Variants in RBFOX1 observed in about 807,000 individuals in gnomAD.
The protein encoded by RBFOX1 is RNA binding fox-1 homolog 1, also known as RNA binding protein fox-1 homolog 1.
RBFOX1 carries 8 observed loss-of-function variants against 57.7 expected under a neutral mutation model. That is an observed-to-expected ratio of 0.14 (90% CI 0.08 to 0.25). The LOEUF is 0.25. Ranked by LOEUF, RBFOX1 falls within the 10% of genes least tolerant of loss-of-function variation. The pLI, the probability that RBFOX1 is intolerant of heterozygous loss-of-function variation, is 1.00. For missense variants in RBFOX1, 611 were observed against 548.5 expected, an observed-to-expected ratio of 1.11 and a Z score of -1.14; for synonymous variants, 326 against 222.4, an observed-to-expected ratio of 1.47 and a Z score of -4.15.
intron 4 of RBFOX1, among the ~76,000 whole-genome samples, chr16:7,060,352 G>C (rs1336180123): frequency 6.6e-6 from 1 of 152,112 alleles, no homozygotes; most frequent in Non-Finnish European, 1.5e-5. Flanking sequence ...GTTAATGAGG[G>C]ATTTTTATCA....
At chr16:6,388,085 T>C (rs955336292) in intron 2 of RBFOX1, among the ~76,000 whole-genome samples, 5 of 148,704 alleles carry the variant, frequency 3.4e-5, no homozygotes, top group Non-Finnish European at 5.9e-5. Flanking sequence ...GTTCAAGCGA[T>C]TCTTCTGCCT....
At chr16:6,963,628 C>G (rs898267213) in intron 3 of RBFOX1, among the ~76,000 whole-genome samples, 2 of 152,100 alleles carry the variant, frequency 1.3e-5, no homozygotes, top group African/African-American at 2.4e-5. Context: ...GTAAAAAGAT[C>G]CAGGGGTGCC....
chr16:6,197,962 C>G (rs2152823794), intron 1 of RBFOX1, among the ~76,000 whole-genome samples: 1 of 152,306 alleles, frequency 6.6e-6, no homozygotes, highest in South Asian at 2.1e-4. Flanking sequence ...ATCCATGTTG[C>G]TGCAAAGGAC....
At chr16:7,189,249 C>G (rs9926850) in intron 4 of RBFOX1, among the ~76,000 whole-genome samples, 2 of 151,198 alleles carry the variant, frequency 1.3e-5, no homozygotes, top group African/African-American at 4.9e-5. Context: ...CACAGTGAAA[C>G]CCCATCTCTA....
chr16:6,189,769 A>T (rs566502115), intron 1 of RBFOX1, among the ~76,000 whole-genome samples: 28 of 152,310 alleles, frequency 1.8e-4, no homozygotes, highest in South Asian at 6.2e-4. Flanking sequence ...GATATTTTTT[A>T]AAAAAATTAT....
At chr16:5,398,686 G>C (rs942001440) in intron 1 of RBFOX1, among the ~76,000 whole-genome samples, 3 of 152,096 alleles carry the variant, frequency 2.0e-5, no homozygotes, top group South Asian at 2.1e-4. Flanking sequence ...GGTTGACAGT[G>C]GGGGAGGAAG....
At chr16:6,610,171 G>A (rs77427554) in intron 2 of RBFOX1, among the ~76,000 whole-genome samples, 2,195 of 152,226 alleles carry the variant, frequency 0.014, 32 homozygotes, top group African/African-American at 0.038. Context: ...AAGCTCTTCG[G>A]TGTGCATTAG....
intron 4 of RBFOX1, among the ~76,000 whole-genome samples, chr16:5,988,947 C>G (rs2060333876): frequency 6.6e-6 from 1 of 152,070 alleles, no homozygotes; most frequent in Non-Finnish European, 1.5e-5. Context: ...TCCCTCTGTC[C>G]TGCATCTGCT....
chr16:5,688,104 A>G (rs1187039647), intron 3 of RBFOX1, among the ~76,000 whole-genome samples: 2 of 152,212 alleles, frequency 1.3e-5, no homozygotes, highest in African/African-American at 4.8e-5. Context: ...AAAGTATTTC[A>G]ATTTATTATA....
intron 2 of RBFOX1, among the ~76,000 whole-genome samples, chr16:6,527,579 A>G (rs553481599): frequency 1.6e-4 from 24 of 152,274 alleles, no homozygotes; most frequent in African/African-American, 5.5e-4. Flanking sequence ...TTTATTATTT[A>G]GGACCCTCTA....
chr16:6,453,622 G>C (rs1025166212), intron 2 of RBFOX1, among the ~76,000 whole-genome samples: 1 of 152,080 alleles, frequency 6.6e-6, no homozygotes, highest in African/African-American at 2.4e-5. Flanking sequence ...AGCTGGTACT[G>C]TTCCTTCTGA....
intron 3 of RBFOX1, among the ~76,000 whole-genome samples, chr16:6,707,947 G>C (rs977310600): frequency 3.9e-5 from 6 of 152,168 alleles, no homozygotes; most frequent in Non-Finnish European, 7.4e-5. Context: ...AAATAGTGCA[G>C]AGGTAGAAGC....
Position 7,029,621 on chromosome 16 carries a change from A to C in RBFOX1, c.-15-22436A>C, listed in dbSNP as rs975982091. Among the ~76,000 whole-genome samples, 14 of 152,128 alleles carry C rather than the reference A, an allele frequency of 9.2e-5. 1 individual carries two copies. The highest frequency in any genetic ancestry group is 3.4e-4 in the African/African-American group (14 of 41,448). On this transcript the variant is annotated intron_variant, in intron 3 of 15. Coordinates refer to ENST00000550418, the MANE Select transcript of RBFOX1 (RefSeq NM_018723.4). ...TAAGTATCATTGACAATTTGTGGCAAAAAGCAGAAGGGTATGAGATTTGAA... is the reference window on the plus strand; with the variant it reads ...TAAGTATCATTGACAATTTGTGGCACAAAGCAGAAGGGTATGAGATTTGAA...
At chr16:5,843,575 A>G (rs2056679984) in intron 3 of RBFOX1, among the ~76,000 whole-genome samples, 1 of 152,120 alleles carries the variant, frequency 6.6e-6, no homozygotes, top group Non-Finnish European at 1.5e-5. Context: ...GGTCGATTTC[A>G]TGTCTTTGTT....
rs145920964 is a variant in RBFOX1, at chr16:6,395,810, A to G, written c.-64+78753A>G. On this transcript the variant is annotated intron_variant, in intron 2 of 15. Coordinates refer to ENST00000550418, the MANE Select transcript of RBFOX1 (RefSeq NM_018723.4). Reference sequence around the variant, plus strand: ...CCTTGCACAGTAGCTCACGCTTGTAATCCCAGCAGTTTTGGGAGGCTGAGG... The same window carrying G: ...CCTTGCACAGTAGCTCACGCTTGTAGTCCCAGCAGTTTTGGGAGGCTGAGG... Among the ~76,000 whole-genome samples the G allele has an allele frequency of 2.4e-3, 358 of 152,214 alleles. 2 individuals are homozygous for G. Among genetic ancestry groups the G allele is most frequent in the African/African-American group, 8.2e-3 (340 of 41,528 alleles).
chr16:7,598,203 C>T (rs1208362293), intron 9 of RBFOX1, among the ~76,000 whole-genome samples: 1 of 152,036 alleles, frequency 6.6e-6, no homozygotes, highest in Non-Finnish European at 1.5e-5. Context: ...TAAAGCAATG[C>T]AGTAAGTTAA....
At chr16:5,273,106 G>A (rs947184991) in intron 1 of RBFOX1, among the ~76,000 whole-genome samples, 24 of 152,160 alleles carry the variant, frequency 1.6e-4, no homozygotes, top group African/African-American at 4.6e-4. Flanking sequence ...CTCTTTAAGA[G>A]GCAGAGGGAG....
At chr16:5,700,449 C>G (rs1206658160) in intron 3 of RBFOX1, among the ~76,000 whole-genome samples, 2 of 152,126 alleles carry the variant, frequency 1.3e-5, no homozygotes, top group Non-Finnish European at 2.9e-5. Flanking sequence ...GCTCACGTTC[C>G]TCATGAAAGC....
intron 4 of RBFOX1, among the ~76,000 whole-genome samples, chr16:7,334,890 C>T (rs182360045): frequency 1.3e-5 from 2 of 152,230 alleles, no homozygotes; most frequent in East Asian, 1.9e-4. Context: ...TTTTTCCAAG[C>T]GACACCTCTG....
Sources: gnomAD v4.1 joint callset for allele counts (sites outside exome capture counted in the v4.1 genomes callset) on GRCh38, gnomAD v4.1.1 for gene constraint, MANE v1.5 for transcripts, NCBI Gene and HGNC (gene_info 2026-07-23, HGNC 2026-07-21) for gene names.